ASB14: variants seen among roughly 807,000 people sequenced by gnomAD.
ASB14 encodes ankyrin repeat and SOCS box containing 14.
In ASB14, 63 loss-of-function variants were observed where a neutral mutation model predicts 55.6. The ratio of observed to expected loss-of-function variants is 1.13; its 90% confidence interval spans 0.92 to 1.40. ASB14 has a LOEUF of 1.40. ASB14 is among the 40% of genes most tolerant of loss of function. The pLI is 0.00. For synonymous variants in ASB14, 256 were observed against 259.9 expected (o/e 0.98, Z 0.15); for missense variants, 724 against 710.4 (o/e 1.02, Z -0.22).
chr3:57,280,584 T>A (rs1013672214), intron 6 of ASB14, 111 bp from the exon 7 acceptor site: 1 of 836,024 alleles, frequency 1.2e-6, no homozygotes, highest in Non-Finnish European at 1.8e-6. Flanking sequence ...GCACGCACTC[T>A]AGCAAAGCAC....
At chr3:57,280,002 C>G (rs1307262722) in intron 7 of ASB14, among the ~76,000 whole-genome samples, 1 of 151,854 alleles carries the variant, frequency 6.6e-6, no homozygotes, top group African/African-American at 2.4e-5. Context: ...GCCTGAAGCA[C>G]CAGCTTGTCA....
In ASB14 at chr3:57,278,551, G is replaced by T. The variant is rs1237713791; in HGVS notation, c.1257C>A (p.Asn419Lys). Residue 419 changes from asparagine (N) to lysine (K), a missense_variant, in exon 8 of 11, where the codon AAC (asparagine) becomes AAA (lysine). Physicochemically the swap from Asn to Lys is moderately conservative, Grantham distance 94. Transcript: ENST00000487349. ...GANVNYFCRVNPLHFPSALQY... is the reference protein window; with the variant it reads ...GANVNYFCRVKPLHFPSALQY... ...GCAGTGCTGATGGGAAATGTAAAGG[G>T]TTAACTCTGCAGAAGTAATTGACAT... is the stretch of plus-strand genomic sequence containing the variant. 1 of 1,614,068 alleles carries T rather than the reference G, an allele frequency of 6.2e-7. No individual in the cohort carries two copies.
At chr3:57,289,149 A>T (rs2061108425) in intron 2 of ASB14, 26 bp from the exon 3 acceptor site, 1 of 1,447,048 alleles carries the variant, frequency 6.9e-7, no homozygotes, top group African/African-American at 1.4e-5. Context: ...TACATATGTA[A>T]TTCCAAAACT....
chr3:57,282,486 G>A (rs866394561), intron 6 of ASB14, among the ~76,000 whole-genome samples: 1 of 152,078 alleles, frequency 6.6e-6, no homozygotes, highest in South Asian at 2.1e-4. Context: ...CTGAGCCAAG[G>A]GTCCCTGCTA....
chr3:57,274,151 C>G (rs1340153916), intron 10 of ASB14, among the ~76,000 whole-genome samples: 4 of 152,052 alleles, frequency 2.6e-5, no homozygotes, highest in Non-Finnish European at 5.9e-5. Context: ...AGCCATTAAT[C>G]CCTACACTAG....
chr3:57,269,861 A>C lies in ASB14; in HGVS notation c.*23-243T>G. 4.2e-6 allele frequency: 3 copies of C among 714,698 alleles called. No homozygotes were observed. The South Asian group carries it at 7.2e-5, about 17-fold the overall frequency. The allele number at this position is 714,698 out of a possible 1,614,324, so 44.3% of individuals were successfully genotyped here. On this transcript the variant is annotated intron_variant, in intron 10 of 10. Transcript: ENST00000487349. ...AACTTGATGACTTAGGTTTGCATTGATCTTTTTTCCCCCTTAAACATAATG... is the reference window on the plus strand; with the variant it reads ...AACTTGATGACTTAGGTTTGCATTGCTCTTTTTTCCCCCTTAAACATAATG...
chr3:57,279,048 A>T (rs562448630), intron 7 of ASB14, 128 bp from the exon 8 acceptor site: 13 of 817,062 alleles, frequency 1.6e-5, no homozygotes, highest in Non-Finnish European at 7.5e-6. Flanking sequence ...CACAACCAAA[A>T]AAAAAAGCAT....
intron 5 of ASB14, among the ~76,000 whole-genome samples, chr3:57,287,304 T>G (rs2061088349): frequency 6.6e-6 from 1 of 152,210 alleles, no homozygotes; most frequent in South Asian, 2.1e-4. Flanking sequence ...TCTTTAGCTC[T>G]TTCTTCTTGG....
Position 57,278,870 on chromosome 3 carries a change from C to G in ASB14, c.938G>C (p.Ser313Thr). ...PVTDLAAIKQ[S>T]GISPVHCAAA... ...TGCACAGTGAACTGGACTGATCCCA[C>G]TCTGCTTAATGGCAGCAAGATCCGT... The change falls in exon 8 of 11, where the codon AGT becomes ACT. Residue 313 changes from serine (S) to threonine (T), a missense_variant. Transcript: ENST00000487349. The G allele has an allele frequency of 1.2e-6, 2 of 1,613,864 alleles. No individual in the cohort carries two copies. The highest frequency in any genetic ancestry group is 1.7e-6 in the Non-Finnish European group (2 of 1,179,998).
At chr3:57,283,068 A>AT (rs1212750759) in intron 6 of ASB14, 126 bp downstream of exon 6, 2 of 1,330,198 alleles carry the variant, frequency 1.5e-6, no homozygotes. Context: ...TTAACCCATA[A>AT]TTTTTATCAA....
At chr3:57,280,922 A>G (rs1481676746) in intron 6 of ASB14, among the ~76,000 whole-genome samples, 1 of 152,158 alleles carries the variant, frequency 6.6e-6, no homozygotes, top group Non-Finnish European at 1.5e-5. Context: ...TTCGTAGGGG[A>G]CCATAGTAGG....
chr3:57,268,502 T>C lies in ASB14; in HGVS notation c.*1139A>G. On this transcript the variant is annotated 3_prime_UTR_variant, in exon 11 of 11. Coordinates refer to ENST00000487349, the MANE Select transcript of ASB14 (RefSeq NM_001142733.3). ...AGATTGAAAAGGTATACAGTCCTAA[T>C]GTCTGGATCTTTATGTGTTGTTTGT... is the stretch of plus-strand genomic sequence containing the variant. 1.3e-6 allele frequency: 2 copies of C among 1,569,982 alleles called. No individual in the cohort carries two copies. Among genetic ancestry groups the C allele is most frequent in the South Asian group, 1.2e-5 (1 of 83,390 alleles).
rs1181914688 is a variant in ASB14 at position 57,283,459 on chromosome 3, G to C, written c.470-20C>G. 6.5e-7 allele frequency: 1 copy of C among 1,547,634 alleles called. No homozygotes were observed. ...GCACAGCTGGGAAATGAGAAGTGTGGTGGGCATGTTCAACGGGAAGTTAAG... is the reference window on the plus strand; with the variant it reads ...GCACAGCTGGGAAATGAGAAGTGTGCTGGGCATGTTCAACGGGAAGTTAAG... On this transcript the variant is annotated intron_variant, in intron 5 of 10. Transcript: ENST00000487349.
intron 8 of ASB14, 129 bp from the exon 9 acceptor site, chr3:57,278,049 G>A (rs2061004460): frequency 7.9e-6 from 6 of 764,320 alleles, no homozygotes; most frequent in Non-Finnish European, 1.3e-5. Flanking sequence ...AAATGGGAAG[G>A]GATGGTAGTG....
intron 3 of ASB14, among the ~76,000 whole-genome samples, chr3:57,288,702 T>G (rs2061101428): frequency 7.2e-6 from 1 of 138,858 alleles, no homozygotes; most frequent in Non-Finnish European, 1.5e-5. Flanking sequence ...CACCATCATA[T>G]CTTTCCTTTT....
chr3:57,272,816 T>C (rs918102512), intron 10 of ASB14: 1 of 152,074 alleles, frequency 6.6e-6, no homozygotes, highest in Admixed American at 6.6e-5. Context: ...AGCCAGGATG[T>C]TCTCGATCTC....
chr3:57,269,722 T>A (rs1173322928), intron 10 of ASB14, 104 bp from the exon 11 acceptor site: 1 of 1,607,592 alleles, frequency 6.2e-7, no homozygotes, highest in South Asian at 1.1e-5. Flanking sequence ...CCCTTGGAAT[T>A]TGACAGTTTC....
At chr3:57,288,956 G>A (rs776810096) in intron 3 of ASB14, 112 bp downstream of exon 3, 34 of 757,650 alleles carry the variant, frequency 4.5e-5, no homozygotes, top group Non-Finnish European at 6.3e-5. Context: ...GACCTCAGGC[G>A]ATCCACCCAC....
chr3:57,286,596 C>G (rs930617642), intron 5 of ASB14, among the ~76,000 whole-genome samples: 2 of 152,188 alleles, frequency 1.3e-5, no homozygotes, highest in Non-Finnish European at 2.9e-5. Context: ...TTGCTAGCTG[C>G]TGAGGTGCTG....
Sources: gnomAD v4.1 joint callset for allele counts (sites outside exome capture counted in the v4.1 genomes callset) on GRCh38, gnomAD v4.1.1 for gene constraint, MANE v1.5 for transcripts, NCBI Gene and HGNC (gene_info 2026-07-23, HGNC 2026-07-21) for gene names.